The following ULK4 variants were observed in gnomAD, a reference collection of about 807,000 sequenced individuals.
ULK4 encodes unc-51 like kinase 4.
In ULK4, 133 loss-of-function variants were observed where a neutral mutation model predicts 160.6. That is an observed-to-expected ratio of 0.83 (90% CI 0.72 to 0.96). The LOEUF (loss-of-function observed/expected upper bound fraction) is 0.96, where lower values mean the gene tolerates loss of function less well. Among genes scored for constraint, ULK4 ranks in the 40% least tolerant of loss-of-function variants. The probability of loss-of-function intolerance (pLI) is 0.00; values close to 1 mark genes in which losing one functional copy is unlikely to be tolerated. For missense variants in ULK4, 1,580 were observed against 1,499.5 expected (o/e 1.05, Z -0.89); for synonymous variants, 534 against 539.8 (o/e 0.99, Z 0.15).
intron 34 of ULK4, among the ~76,000 whole-genome samples, chr3:41,423,687 T>A (rs1277611583): frequency 2.0e-5 from 3 of 151,412 alleles, no homozygotes; most frequent in Non-Finnish European, 4.4e-5. Flanking sequence ...ATAGAGGTTC[T>A]CTCACTGGGA....
At chr3:41,910,220 T>C (rs1003935405) in intron 11 of ULK4, among the ~76,000 whole-genome samples, 1 of 152,216 alleles carries the variant, frequency 6.6e-6, no homozygotes, top group Non-Finnish European at 1.5e-5. Flanking sequence ...TTTTAATGCA[T>C]TGGTCCTAAT....
intron 31 of ULK4, among the ~76,000 whole-genome samples, chr3:41,579,606 G>A (rs996018926): frequency 1.4e-5 from 2 of 147,360 alleles, no homozygotes; most frequent in Admixed American, 1.4e-4. Context: ...CCATTCTCCT[G>A]CCTCAGCCTC....
chr3:41,712,886 G>A (rs938769912), intron 25 of ULK4, among the ~76,000 whole-genome samples: 2 of 151,598 alleles, frequency 1.3e-5, no homozygotes, highest in African/African-American at 4.9e-5. Context: ...GCAAGACCCT[G>A]TCTCGAAAAA....
intron 35 of ULK4, among the ~76,000 whole-genome samples, chr3:41,290,923 G>A (rs2079547490): frequency 6.6e-6 from 1 of 152,240 alleles, no homozygotes; most frequent in African/African-American, 2.4e-5. Flanking sequence ...GGCAGACAAA[G>A]AGAAGCTGTT....
intron 30 of ULK4, among the ~76,000 whole-genome samples, chr3:41,649,518 C>T (rs915616377): frequency 1.4e-4 from 21 of 152,334 alleles, no homozygotes; most frequent in African/African-American, 4.6e-4. Context: ...TGGCCTCCCC[C>T]TGCTCCTGGC....
chr3:41,436,207 G>A (rs924191079), intron 34 of ULK4, among the ~76,000 whole-genome samples: 9 of 152,264 alleles, frequency 5.9e-5, no homozygotes, highest in African/African-American at 1.7e-4. Context: ...AATGGCTAAT[G>A]TAAGTGTTCT....
At chr3:41,456,869 GA>G (rs902291016) in intron 33 of ULK4, among the ~76,000 whole-genome samples, 8 of 152,174 alleles carry the variant, frequency 5.3e-5, no homozygotes, top group African/African-American at 1.9e-4. Flanking sequence ...CCTATGGACA[GA>G]ATTTCAGTTG....
rs568550045 is a variant in ULK4, at chr3:41,326,553, G to T, written c.3678+71526C>A. On this transcript the variant is annotated intron_variant, in intron 35 of 36. Coordinates refer to ENST00000301831, the MANE Select transcript of ULK4 (RefSeq NM_017886.4). ...GCAAAAAGAAAGTAACAGGTGAAAG[G>T]CAGACTTCAGGGAAAAGAAGCTGAC... Among the ~76,000 whole-genome samples, 8 of 152,106 alleles carry T rather than the reference G, an allele frequency of 5.3e-5. No individual in the cohort carries two copies. In the East Asian group the frequency reaches 1.5e-3, roughly 29 times the overall value.
At position 41,863,572 on chromosome 3, in the gene ULK4, G is replaced by A. The variant is rs570121899; in HGVS notation, c.1656+20302C>T. Among the ~76,000 whole-genome samples the A allele has an allele frequency of 2.0e-5, 3 of 152,068 alleles. No homozygotes were observed. The South Asian group carries it at 6.2e-4, about 32-fold the overall frequency. ...GGTAAGTCTCACCTGAAGCCAGCAA[G>A]TCTTAGAGACTCACCAAGGCCCTCA... On this transcript the variant is annotated intron_variant, in intron 17 of 36. Coordinates refer to ENST00000301831, the MANE Select transcript of ULK4 (RefSeq NM_017886.4).
chr3:41,797,265 A>ACAGTCTC (rs2040328068), intron 20 of ULK4, among the ~76,000 whole-genome samples: 1 of 152,218 alleles, frequency 6.6e-6, no homozygotes, highest in Admixed American at 6.5e-5. Flanking sequence ...CAGAGACTGT[A>ACAGTCTC]TATGAGCTAC....
chr3:41,942,222 A>G (rs556574525), intron 2 of ULK4, among the ~76,000 whole-genome samples: 1 of 152,308 alleles, frequency 6.6e-6, no homozygotes, highest in African/African-American at 2.4e-5. Flanking sequence ...TAATATCTCA[A>G]TAATAGTTTT....
At chr3:41,436,890 C>T (rs1314378763) in intron 34 of ULK4, among the ~76,000 whole-genome samples, 1 of 152,166 alleles carries the variant, frequency 6.6e-6, no homozygotes, top group African/African-American at 2.4e-5. Context: ...AACTCATCTG[C>T]TTTCTTATAA....
At chr3:41,441,256 C>T (rs763250690) in intron 34 of ULK4, among the ~76,000 whole-genome samples, 1 of 151,956 alleles carries the variant, frequency 6.6e-6, no homozygotes, top group Non-Finnish European at 1.5e-5. Context: ...GAGACCTTTC[C>T]CAAACTTTTC....
chr3:41,959,962 A>T (rs2148851181), intron 1 of ULK4, among the ~76,000 whole-genome samples: 1 of 152,342 alleles, frequency 6.6e-6, no homozygotes, highest in East Asian at 1.9e-4. Flanking sequence ...AGATGATAAA[A>T]TAAGTTTTCA....
intron 35 of ULK4, among the ~76,000 whole-genome samples, chr3:41,367,917 C>A (rs573476412): frequency 7.8e-4 from 119 of 152,082 alleles, no homozygotes; most frequent in African/African-American, 2.7e-3. Context: ...CATGTGTGTG[C>A]CAAGAAAACA....
At chr3:41,552,892 T>C (rs373330083) in intron 32 of ULK4, among the ~76,000 whole-genome samples, 1 of 152,068 alleles carries the variant, frequency 6.6e-6, no homozygotes, top group Non-Finnish European at 1.5e-5. Context: ...ATGGTATTGG[T>C]ATAAAATCAG....
intron 25 of ULK4, 107 bp downstream of exon 25, chr3:41,715,126 CAAAT>C (rs2037222293): frequency 8.9e-7 from 1 of 1,129,664 alleles, no homozygotes; most frequent in South Asian, 1.5e-5. Flanking sequence ...TCCCTAGAGA[CAAAT>C]AAATACCAAC....
At chr3:41,894,952 T>A (rs1487063082) in intron 16 of ULK4, among the ~76,000 whole-genome samples, 1 of 152,208 alleles carries the variant, frequency 6.6e-6, no homozygotes, top group Admixed American at 6.5e-5. Flanking sequence ...CTTCCTTCCA[T>A]CGGGAGTTTA....
intron 35 of ULK4, among the ~76,000 whole-genome samples, chr3:41,345,874 TGG>T (rs1425595471): frequency 6.6e-6 from 1 of 151,886 alleles, no homozygotes; most frequent in Non-Finnish European, 1.5e-5. Flanking sequence ...CTGCCCCCAG[TGG>T]GTAAAGGCTA....
Sources: gnomAD v4.1 joint callset for allele counts (sites outside exome capture counted in the v4.1 genomes callset) on GRCh38, gnomAD v4.1.1 for gene constraint, MANE v1.5 for transcripts, NCBI Gene and HGNC (gene_info 2026-07-23, HGNC 2026-07-21) for gene names.